EIF3B: variants seen among roughly 807,000 people sequenced by gnomAD.
The protein encoded by EIF3B is eukaryotic translation initiation factor 3 subunit 9.
Under a neutral mutation model 104.6 loss-of-function variants are expected in EIF3B, and 10 were observed. The observed-to-expected ratio is 0.10, with a 90% CI of 0.06 to 0.16. The LOEUF is 0.16. EIF3B is among the 10% of genes least tolerant of loss of function. EIF3B has a pLI of 1.00. For missense variants in EIF3B, 1,014 were observed against 1,087.9 expected (o/e 0.93, Z 0.96); for synonymous variants, 542 against 417.2 (o/e 1.30, Z -3.65).
chr7:2,357,655 A>G (rs1355316671), intron 1 of EIF3B, among the ~76,000 whole-genome samples: 1 of 151,922 alleles, frequency 6.6e-6, no homozygotes, highest in African/African-American at 2.4e-5. Context: ...TCTATTTGCT[A>G]TTTAGTGTTG....
In EIF3B at chr7:2,360,781, A is replaced by C; in HGVS notation, c.571A>C (p.Asn191His). 1 of 1,612,998 alleles carries C rather than the reference A, an allele frequency of 6.2e-7. No homozygotes were observed. Among genetic ancestry groups the C allele is most frequent in the Non-Finnish European group, 8.5e-7 (1 of 1,179,012 alleles). Residue 191 changes from asparagine to histidine, a missense_variant, in exon 2 of 19, where the codon AAT becomes CAT. Around this residue, in one of 4 missense-constraint regions of EIF3B, gnomAD observed 488 missense variants for 404.3 expected, o/e 1.21. Transcript: ENST00000360876. ...DGIDSVIVVDNVPQVGPDRLE... is the reference protein window; with the variant it reads ...DGIDSVIVVDHVPQVGPDRLE... ...AATCGATTCGGTGATTGTAGTGGAC[A>C]ATGTCCCTCAGGTGGGACCCGACCG...
chr7:2,362,851 G>A, intron 3 of EIF3B, 87 bp downstream of exon 3: 1 of 1,575,164 alleles, frequency 6.3e-7, no homozygotes, highest in Non-Finnish European at 8.6e-7. Context: ...CTCGGTGCTG[G>A]TGTCTGTCAG....
At chr7:2,372,842 G>A (rs1035707388) in intron 12 of EIF3B, 47 bp downstream of exon 12, 1 of 1,596,224 alleles carries the variant, frequency 6.3e-7, no homozygotes, top group Non-Finnish European at 8.6e-7. Context: ...CAGCACAGAT[G>A]ATGACCCAGT....
rs1229507469 is a variant in EIF3B, at chr7:2,379,485, G to A, written c.2433G>A (p.Gly811=). 6.4e-7 allele frequency: 1 copy of A among 1,573,710 alleles called. No individual in the cohort carries two copies. Among genetic ancestry groups the A allele is most frequent in the Non-Finnish European group, 8.6e-7 (1 of 1,158,812 alleles). ...TCACTGAAGAAATCATTCCCCTCGG[G>A]AATCAGGAGTGACCTGGAGCACTGT... ...FFVTEEIIPL[G]NQE The change falls in exon 18 of 19, where the codon GGG becomes GGA. Residue 811 remains glycine, a synonymous_variant. Transcript: ENST00000360876.
At chr7:2,375,239 C>T in intron 13 of EIF3B, 150 bp from the exon 14 acceptor site, 1 of 870,638 alleles carries the variant, frequency 1.1e-6, no homozygotes. Context: ...GTAAGTCTCA[C>T]AGCGGCCACC....
intron 9 of EIF3B, among the ~76,000 whole-genome samples, chr7:2,367,394 A>G (rs1358172354): frequency 1.4e-5 from 2 of 146,900 alleles, no homozygotes; most frequent in Non-Finnish European, 3.0e-5. Flanking sequence ...TTAGAATTTC[A>G]CCCTGTGAAT....
chr7:2,372,612 G>C, intron 11 of EIF3B, 61 bp from the exon 12 acceptor site: 2 of 1,576,806 alleles, frequency 1.3e-6, no homozygotes, highest in Admixed American at 1.8e-5. Context: ...CATTTTAACT[G>C]ATCAAGAGCA....
chr7:2,367,113 A>C, intron 9 of EIF3B, 68 bp downstream of exon 9: 17 of 1,398,512 alleles, frequency 1.2e-5, no homozygotes, highest in Non-Finnish European at 1.6e-5. Context: ...AAAAAAAAAA[A>C]AAAAAACACA....
In EIF3B at chr7:2,369,695, C is replaced by T; in HGVS notation, c.1614+13C>T. On this transcript the variant is annotated intron_variant, in intron 10 of 18. Coordinates refer to ENST00000360876, the MANE Select transcript of EIF3B (RefSeq NM_001037283.2). Reference sequence around the variant, plus strand: ...GAAAGGCACCCAGGTATGTAGATTCCCACAGGAACTGACGATTCCTTATCC... The same window carrying T: ...GAAAGGCACCCAGGTATGTAGATTCTCACAGGAACTGACGATTCCTTATCC... 1 of 1,612,246 alleles carries T rather than the reference C, an allele frequency of 6.2e-7. No homozygotes were observed. The highest frequency in any genetic ancestry group is 8.5e-7 in the Non-Finnish European group (1 of 1,178,984).
intron 1 of EIF3B, among the ~76,000 whole-genome samples, chr7:2,360,412 A>G (rs968079191): frequency 8.5e-5 from 13 of 152,182 alleles, no homozygotes; most frequent in African/African-American, 3.1e-4. Flanking sequence ...CTTCATTTGC[A>G]TTGTGCATTG....
At chr7:2,373,456 G>C (rs996531740) in intron 12 of EIF3B, 1 of 152,376 alleles carries the variant, frequency 6.6e-6, no homozygotes. Flanking sequence ...CCTCACACAG[G>C]ACTCTGGCTG....
In EIF3B at chr7:2,361,631, G is replaced by T. The variant is rs368615470; in HGVS notation, c.692+729G>T. Among the ~76,000 whole-genome samples, 5 of 152,056 alleles carry T rather than the reference G, an allele frequency of 3.3e-5. 1 individual carries two copies. The East Asian group carries it at 5.8e-4, about 18-fold the overall frequency. The stretch of plus-strand genomic sequence containing the variant: ...AGACGGGGTTTCACCATGTTAGCCA[G>T]AATGGTCTCGATCTCCTGACCTTGT... On this transcript the variant is annotated intron_variant, in intron 2 of 18. Coordinates refer to ENST00000360876, the MANE Select transcript of EIF3B (RefSeq NM_001037283.2).
chr7:2,371,707 C>G, intron 10 of EIF3B, 70 bp from the exon 11 acceptor site: 1 of 1,230,116 alleles, frequency 8.1e-7, no homozygotes, highest in Non-Finnish European at 1.2e-6. Flanking sequence ...TGACGTTGAT[C>G]TTTGATTTAA....
intron 14 of EIF3B, chr7:2,376,473 C>G (rs1318212402): frequency 6.5e-6 from 1 of 152,918 alleles, no homozygotes; most frequent in African/African-American, 2.4e-5. Context: ...TGAGAGAGGC[C>G]TGCCATGAGG....
chr7:2,363,493 G>A lies in EIF3B; in HGVS notation c.871-139G>A, dbSNP rs79521349. The A allele has an allele frequency of 5.0e-3, 3,735 of 754,148 alleles. 65 individuals carry two copies. Among genetic ancestry groups the A allele is most frequent in the African/African-American group, 0.045 (2,526 of 56,526 alleles). 46.7% of individuals were successfully genotyped at this position (754,148 alleles called of 1,614,324 possible). ...CTCAAAAAAAAAAGAAATGCTAGACGGTGTCTTGACTTGAGGTTAGGGTGT... is the reference window on the plus strand; with the variant it reads ...CTCAAAAAAAAAAGAAATGCTAGACAGTGTCTTGACTTGAGGTTAGGGTGT... On this transcript the variant is annotated intron_variant, in intron 4 of 18. Transcript: ENST00000360876.
At chr7:2,378,191 G>A (rs372630625) in intron 15 of EIF3B, 27 of 71,738 alleles carry the variant, frequency 3.8e-4, no homozygotes, top group Admixed American at 5.7e-4. Flanking sequence ...AGGCGCGAGC[G>A]CTCCTGGGAA....
chr7:2,372,215 GAA>G, intron 11 of EIF3B: 1 of 246,672 alleles, frequency 4.1e-6, no homozygotes. Flanking sequence ...AAAAAAAAGA[GAA>G]AAGAGATTGA....
chr7:2,364,662 T>C (rs1779908005), intron 6 of EIF3B, 133 bp downstream of exon 6: 5 of 787,164 alleles, frequency 6.4e-6, no homozygotes, highest in Non-Finnish European at 1.0e-5. Context: ...TAATAAGCTT[T>C]TTACTGAGAT....
intron 8 of EIF3B, 78 bp downstream of exon 8, chr7:2,366,669 G>A (rs1033638900): frequency 3.9e-6 from 6 of 1,528,086 alleles, no homozygotes; most frequent in Non-Finnish European, 5.4e-6. Flanking sequence ...CCTTATTTGT[G>A]CTAGAAGAGG....
Sources: gnomAD v4.1 joint callset for allele counts (sites outside exome capture counted in the v4.1 genomes callset) on GRCh38, gnomAD v4.1.1 for gene constraint, gnomAD v4.1.1 regional missense constraint, MANE v1.5 for transcripts, NCBI Gene and HGNC (gene_info 2026-07-23, HGNC 2026-07-21) for gene names.